ORC3: variants seen among roughly 807,000 people sequenced by gnomAD.
ORC3 encodes the protein origin recognition complex subunit 3.
In ORC3, 78 loss-of-function variants were observed where a neutral mutation model predicts 100.7. That is an observed-to-expected ratio of 0.77 (90% CI 0.65 to 0.94). The LOEUF (loss-of-function observed/expected upper bound fraction) is 0.94, where lower values mean the gene tolerates loss of function less well. Among genes scored for constraint, ORC3 ranks in the 40% least tolerant of loss-of-function variants. ORC3 has a pLI of 0.00. For missense variants in ORC3, 789 were observed against 823.9 expected (o/e 0.96, Z 0.52); for synonymous variants, 295 against 289.3 (o/e 1.02, Z -0.20).
chr6:87,590,452 C>T (rs1776722226), intron 1 of ORC3, among the ~76,000 whole-genome samples: 1 of 152,174 alleles, frequency 6.6e-6, no homozygotes, highest in African/African-American at 2.4e-5. Flanking sequence ...GATGATGTGG[C>T]CCAGTCTCTC....
At chr6:87,599,960 G>A (rs1385860196) in intron 2 of ORC3, among the ~76,000 whole-genome samples, 3 of 152,136 alleles carry the variant, frequency 2.0e-5, no homozygotes, top group Admixed American at 6.5e-5. Context: ...GCAACAGAGC[G>A]AGACCCTGTC....
At chr6:87,611,579 G>T (rs1583035654) in intron 7 of ORC3, among the ~76,000 whole-genome samples, 1 of 152,144 alleles carries the variant, frequency 6.6e-6, no homozygotes, top group East Asian at 1.9e-4. Context: ...ATGAAGTCAG[G>T]AGTTTGAGAC....
Position 87,632,495 on chromosome 6 carries a change from A to G in ORC3, c.1186-2350A>G, listed in dbSNP as rs115880953. Among the ~76,000 whole-genome samples, 1,390 of 152,326 alleles carry G rather than the reference A, an allele frequency of 9.1e-3. 21 individuals are homozygous for G. Among genetic ancestry groups the G allele is most frequent in the African/African-American group, 0.031 (1,294 of 41,566 alleles). The stretch of plus-strand genomic sequence containing the variant: ...TTTTTCCCCATTGTTGGAACCAACC[A>G]CCATTTCCTCAGTTGAGCACCAGAT... On this transcript the variant is annotated intron_variant, in intron 11 of 19. Coordinates refer to ENST00000392844, the MANE Select transcript of ORC3 (RefSeq NM_012381.4).
chr6:87,626,310 A>T (rs1482190994), intron 11 of ORC3, among the ~76,000 whole-genome samples: 1 of 152,144 alleles, frequency 6.6e-6, no homozygotes, highest in Non-Finnish European at 1.5e-5. Context: ...GATTCTTCCT[A>T]TCCATGAGCA....
At chr6:87,624,873 T>C (rs745982606) in intron 11 of ORC3, among the ~76,000 whole-genome samples, 14 of 152,088 alleles carry the variant, frequency 9.2e-5, no homozygotes, top group Non-Finnish European at 1.5e-4. Flanking sequence ...GGCCCTGGTG[T>C]GTGATGTTCC....
At chr6:87,613,646 C>G (rs901138237) in intron 8 of ORC3, among the ~76,000 whole-genome samples, 1 of 152,184 alleles carries the variant, frequency 6.6e-6, no homozygotes, top group Non-Finnish European at 1.5e-5. Context: ...GGGGTACAGG[C>G]ATTGGGTAAA....
rs745522165 is a variant in ORC3 at position 87,653,202 on chromosome 6, C to T, written c.1469C>T (p.Thr490Ile). 2.5e-5 allele frequency: 41 copies of T among 1,613,800 alleles called. No homozygotes were observed. Among genetic ancestry groups the T allele is most frequent in the Non-Finnish European group, 3.3e-5 (39 of 1,179,856 alleles). Residue 490 changes from threonine (T) to isoleucine (I), a missense_variant, in exon 14 of 20, where the codon ACA becomes ATA. Physicochemically the swap from Thr to Ile is moderately conservative, Grantham distance 89. Coordinates refer to ENST00000392844, the MANE Select transcript of ORC3 (RefSeq NM_012381.4). ...TATTGTGAAAACCACCTTGGCAGCA[C>T]AGCTAAGAGAATAGAGGAGTTCCTG... ...KSYCENHLGS[T>I]AKRIEEFLAQ...
chr6:87,653,246 G>T lies in ORC3; in HGVS notation c.1513G>T (p.Asp505Tyr). Reference protein sequence around the residue: ...EEFLAQFQSLDETKEEEDASG... With the variant: ...EEFLAQFQSLYETKEEEDASG... ...GTTCCTGGCCCAGTTTCAGAGCCTC[G>T]ATGGTAAGAGTGTAATATCCTTCCA... The change falls in exon 14 of 20, where the codon GAT (aspartate) becomes TAT (tyrosine). Residue 505 changes from aspartate to tyrosine, a missense_variant. Transcript: ENST00000392844. 6.2e-7 allele frequency: 1 copy of T among 1,613,222 alleles called. No individual in the cohort carries two copies. Among genetic ancestry groups the T allele is most frequent in the Non-Finnish European group, 8.5e-7 (1 of 1,179,596 alleles).
At position 87,616,362 on chromosome 6, in the gene ORC3, C is replaced by T. The variant is rs763335077; in HGVS notation, c.922C>T (p.Gln308Ter). The change falls in exon 9 of 20, where the codon CAG becomes TAG. Residue 308 changes from glutamine to a stop codon, truncating the protein, a stop_gained. Transcript: ENST00000392844. LOFTEE classifies it high-confidence loss of function. The stretch of plus-strand genomic sequence containing the variant: ...CTTTAAAATAAATGAAAAAGTATTA[C>T]AGGTTCTGACCAACATCTTTTTGTA... ...FPFKINEKVL[Q>*]VLTNIFLYHD... The T allele has an allele frequency of 6.5e-7, 1 of 1,549,274 alleles. No individual in the cohort carries two copies. The highest frequency in any genetic ancestry group is 8.9e-7 in the Non-Finnish European group (1 of 1,121,748).
intron 13 of ORC3, among the ~76,000 whole-genome samples, chr6:87,639,122 CATT>C (rs1447853550): frequency 6.6e-6 from 1 of 152,098 alleles, no homozygotes; most frequent in African/African-American, 2.4e-5. Context: ...AAGATAATCT[CATT>C]ATGCACATAT....
chr6:87,622,718 G>T (rs1049771352), intron 11 of ORC3, among the ~76,000 whole-genome samples: 6 of 152,036 alleles, frequency 3.9e-5, no homozygotes, highest in African/African-American at 1.2e-4. Flanking sequence ...TTTCATTCTA[G>T]ATAGAGTCTC....
chr6:87,663,933 G>A (rs28381543), intron 17 of ORC3, among the ~76,000 whole-genome samples: 2,517 of 152,134 alleles, frequency 0.017, 73 homozygotes, highest in African/African-American at 0.056. Flanking sequence ...ATTGCAAAAC[G>A]GCACACAAAC....
At chr6:87,645,293 T>C (rs1042117653) in intron 13 of ORC3, among the ~76,000 whole-genome samples, 1 of 152,080 alleles carries the variant, frequency 6.6e-6, no homozygotes, top group Admixed American at 6.6e-5. Flanking sequence ...ACCAGTAGAC[T>C]GGACAGTTAA....
chr6:87,605,157 C>T (rs1359399810), intron 4 of ORC3, among the ~76,000 whole-genome samples: 3 of 152,128 alleles, frequency 2.0e-5, no homozygotes, highest in Admixed American at 1.3e-4. Flanking sequence ...ACCAAAAGAA[C>T]CCATAGTTTT....
At chr6:87,632,831 TA>T (rs997337353) in intron 11 of ORC3, among the ~76,000 whole-genome samples, 1 of 152,202 alleles carries the variant, frequency 6.6e-6, no homozygotes, top group African/African-American at 2.4e-5. Flanking sequence ...GACTTCATCT[TA>T]AAATTTTTAT....
chr6:87,618,429 A>AG (rs1779313834), intron 9 of ORC3, among the ~76,000 whole-genome samples: 1 of 151,832 alleles, frequency 6.6e-6, no homozygotes, highest in Non-Finnish European at 1.5e-5. Context: ...AAAAAAAAAA[A>AG]GAAATCTCTG....
chr6:87,597,017 C>T (rs185821077), intron 2 of ORC3, among the ~76,000 whole-genome samples: 21 of 152,244 alleles, frequency 1.4e-4, no homozygotes, highest in Admixed American at 7.8e-4. Context: ...TCAATTCCAA[C>T]TTGTGGGACT....
chr6:87,651,713 G>T (rs747626146), intron 13 of ORC3, among the ~76,000 whole-genome samples: 31 of 152,068 alleles, frequency 2.0e-4, no homozygotes, highest in Non-Finnish European at 4.1e-4. Context: ...TTAAATTTTA[G>T]TTCAAGTAAC....
intron 12 of ORC3, 33 bp downstream of exon 12, chr6:87,634,994 A>G: frequency 9.5e-7 from 1 of 1,051,548 alleles, no homozygotes; most frequent in Non-Finnish European, 1.5e-6. Flanking sequence ...TAATCCATGA[A>G]GTAGGAATGT....
Sources: allele counts gnomAD v4.1 joint callset (sites outside exome capture counted in the v4.1 genomes callset), GRCh38; gene constraint gnomAD v4.1.1; transcripts MANE v1.5; gene names NCBI Gene and HGNC (gene_info 2026-07-23, HGNC 2026-07-21).